Variants in CRAMP1 observed in about 807,000 individuals in gnomAD.
CRAMP1 encodes the protein cramped chromatin regulator 1, also known as protein cramped-like.
CRAMP1 carries 50 observed loss-of-function variants against 115.4 expected under a neutral mutation model. The ratio of observed to expected loss-of-function variants is 0.43; its 90% CI spans 0.35 to 0.55. The LOEUF is 0.55. CRAMP1 is among the 20% of genes least tolerant of loss of function. The probability of loss-of-function intolerance (pLI) is 0.01; values close to 1 mark genes in which losing one functional copy is unlikely to be tolerated. For synonymous variants in CRAMP1, 866 were observed against 745.4 expected, an observed-to-expected ratio of 1.16 and a Z score of -2.64; for missense variants, 1,679 against 1,721.7, an observed-to-expected ratio of 0.98 and a Z score of 0.44.
At chr16:1,646,887 C>T (rs2036679743) in intron 6 of CRAMP1, among the ~76,000 whole-genome samples, 1 of 152,228 alleles carries the variant, frequency 6.6e-6, no homozygotes, top group African/African-American at 2.4e-5. Context: ...TCAAGCTGTG[C>T]CATCTGAAAG....
intron 4 of CRAMP1, among the ~76,000 whole-genome samples, chr16:1,633,106 A>G (rs568643604): frequency 2.0e-5 from 3 of 152,290 alleles, no homozygotes; most frequent in African/African-American, 7.2e-5. Flanking sequence ...GATGTCTCAC[A>G]TTCTGACCCA....
intron 5 of CRAMP1, among the ~76,000 whole-genome samples, chr16:1,640,151 T>C (rs2036620414): frequency 6.6e-6 from 1 of 152,244 alleles, no homozygotes. Context: ...TTGTTTCCTT[T>C]CTTTCTGAAA....
Position 1,666,482 on chromosome 16 carries a change from T to C in CRAMP1, c.2918T>C (p.Leu973Ser). 1.2e-6 allele frequency: 2 copies of C among 1,613,920 alleles called. No homozygotes were observed. The highest frequency in any genetic ancestry group is 1.7e-6 in the Non-Finnish European group (2 of 1,179,854). ...CTTTCCGGGAACCCCCTCCCTGCCT[T>C]GGACACCGAGGGCTTGTCTGGCATC... ...GILSGNPLPA[L>S]DTEGLSGISP... Residue 973 changes from leucine to serine, a missense_variant, in exon 16 of 21, where the codon TTG becomes TCG. Coordinates refer to ENST00000397412, the MANE Select transcript of CRAMP1 (RefSeq NM_020825.4). This position sits in a 1 kb window ranked among gnomAD's most constrained non-coding sequence, Gnocchi z 5.0.
At position 1,672,692 on chromosome 16, in the gene CRAMP1, C is replaced by T. The variant is rs1353225321; in HGVS notation, c.3646-1189C>T. On this transcript the variant is annotated intron_variant, in intron 20 of 20. Coordinates refer to ENST00000397412, the MANE Select transcript of CRAMP1 (RefSeq NM_020825.4). The surrounding 1 kb of genome is among the most constrained non-coding windows in gnomAD (Gnocchi z 4.9). The stretch of plus-strand genomic sequence containing the variant: ...TGCAGTTCATTAAGGGATATTTCTG[C>T]AGGGTCTGCTGTGTGCAAACAATGG... Among the ~76,000 whole-genome samples, 1 of 152,212 alleles carries T rather than the reference C, an allele frequency of 6.6e-6. No homozygotes were observed. Among genetic ancestry groups the T allele is most frequent in the Non-Finnish European group, 1.5e-5 (1 of 68,034 alleles).
At chr16:1,664,748 T>C (rs9925164) in intron 13 of CRAMP1, among the ~76,000 whole-genome samples, 13,617 of 149,788 alleles carry the variant, frequency 0.091, 719 homozygotes, top group African/African-American at 0.14. Flanking sequence ...CACTGCACTC[T>C]AGCCTGGCTG....
intron 4 of CRAMP1, 77 bp downstream of exon 4, chr16:1,632,442 G>T (rs961860973): frequency 7.1e-6 from 10 of 1,416,068 alleles, no homozygotes; most frequent in Non-Finnish European, 9.5e-6. Flanking sequence ...CTTCCAGCAA[G>T]CCCGCCGGAC....
chr16:1,642,830 T>C (rs1329523342), intron 6 of CRAMP1, among the ~76,000 whole-genome samples: 1 of 152,250 alleles, frequency 6.6e-6, no homozygotes, highest in Non-Finnish European at 1.5e-5. Flanking sequence ...TTCCAGACTC[T>C]TTGCTGTATG....
chr16:1,627,897 G>A (rs370890509), intron 3 of CRAMP1, among the ~76,000 whole-genome samples: 1 of 152,134 alleles, frequency 6.6e-6, no homozygotes, highest in East Asian at 1.9e-4. Context: ...ATTTTTGCCT[G>A]AAACAATTAC....
Position 1,625,985 on chromosome 16 carries a change from G to T in CRAMP1, c.359G>T (p.Gly120Val), listed in dbSNP as rs150953427. The T allele has an allele frequency of 2.6e-3, 4,039 of 1,551,658 alleles. 33 individuals carry two copies. The highest frequency in any genetic ancestry group is 0.019 in the Middle Eastern group (116 of 5,990). The change falls in exon 3 of 21, where the codon GGT becomes GTT. Residue 120 changes from glycine to valine, a missense_variant. This residue lies in a region of CRAMP1 where 264 missense variants were observed against 229.7 expected (regional missense o/e 1.15). Transcript: ENST00000397412. ...CTTTCTCTCCAAGGAGCTGAAGGTGGTGGATCATCGTCTGGAAATGTGTCT... is the reference window on the plus strand; with the variant it reads ...CTTTCTCTCCAAGGAGCTGAAGGTGTTGGATCATCGTCTGGAAATGTGTCT... ...SGPRGKGAEG[G>V]GSSSGNVSGV... is the part of the protein sequence containing the mutation.
Position 1,626,137 on chromosome 16 carries a change from A to G in CRAMP1, c.511A>G (p.Lys171Glu), listed in dbSNP as rs1205257628. The G allele has an allele frequency of 6.5e-7, 1 of 1,536,992 alleles. No homozygotes were observed. The highest frequency in any genetic ancestry group is 2.0e-5 in the Admixed American group (1 of 49,812). Reference sequence around the variant, plus strand: ...GTGGGAGTCGTGGAGCACAGAGGACAAGAACACCTTCTTCGAGGGGCTGTA... The same window carrying G: ...GTGGGAGTCGTGGAGCACAGAGGACGAGAACACCTTCTTCGAGGGGCTGTA... ...RQWESWSTED[K>E]NTFFEGLYEH... is the part of the protein sequence containing the mutation. Residue 171 changes from lysine (K) to glutamate (E), a missense_variant, in exon 3 of 21, where the codon AAG (lysine) becomes GAG (glutamate). Lys to Glu is a moderately conservative substitution (Grantham distance 56, BLOSUM62 1). Coordinates refer to ENST00000397412, the MANE Select transcript of CRAMP1 (RefSeq NM_020825.4).
At position 1,676,043 on chromosome 16, in the gene CRAMP1, C is replaced by G. The variant is rs556805011; in HGVS notation, c.*1998C>G. The G allele has an allele frequency of 2.6e-5, 4 of 152,396 alleles. No homozygotes were observed. The East Asian group carries it at 7.7e-4, about 29-fold the overall frequency. The allele number at this position is 152,396 out of a possible 1,614,324, so 9.4% of individuals were successfully genotyped here. On this transcript the variant is annotated 3_prime_UTR_variant, in exon 21 of 21. Transcript: ENST00000397412. Reference sequence around the variant, plus strand: ...GGCCACTGCTAGCTTTCTCATACTCCCACAGGCTAGACCAGAGATGCCAAG... The same window carrying G: ...GGCCACTGCTAGCTTTCTCATACTCGCACAGGCTAGACCAGAGATGCCAAG...
intron 13 of CRAMP1, among the ~76,000 whole-genome samples, chr16:1,663,180 A>T (rs945521347): frequency 6.6e-6 from 1 of 152,232 alleles, no homozygotes; most frequent in African/African-American, 2.4e-5. Flanking sequence ...GGTCAGCCAG[A>T]GCCCAGGCCT....
At chr16:1,641,825 A>G (rs926406869) in intron 6 of CRAMP1, among the ~76,000 whole-genome samples, 1 of 150,704 alleles carries the variant, frequency 6.6e-6, no homozygotes, top group African/African-American at 2.4e-5. Context: ...TCCCCACGCC[A>G]CAGCCTGGGG....
At chr16:1,642,023 C>A (rs2036636766) in intron 6 of CRAMP1, among the ~76,000 whole-genome samples, 1 of 152,188 alleles carries the variant, frequency 6.6e-6, no homozygotes, top group East Asian at 1.9e-4. Context: ...TTACATCCAT[C>A]CCGCCCACTG....
intron 20 of CRAMP1, among the ~76,000 whole-genome samples, chr16:1,673,544 C>T (rs1343070179): frequency 2.0e-5 from 3 of 152,226 alleles, no homozygotes; most frequent in Non-Finnish European, 2.9e-5. Context: ...TCTGTTTCTG[C>T]AGGCTGCCCC....
intron 4 of CRAMP1, among the ~76,000 whole-genome samples, chr16:1,634,046 AAGTC>A (rs777190524): frequency 1.3e-5 from 2 of 151,954 alleles, no homozygotes; most frequent in Non-Finnish European, 2.9e-5. Context: ...AAAAGAAAGA[AAGTC>A]AGTCCATGAG....
chr16:1,655,998 G>A lies in CRAMP1; in HGVS notation c.1241G>A (p.Arg414His), dbSNP rs2036768928. The change falls in exon 10 of 21, where the codon CGC becomes CAC. Residue 414 changes from arginine (R) to histidine (H), a missense_variant. Physicochemically the swap from Arg to His is conservative, Grantham distance 29. This residue lies in a region of CRAMP1 where 191 missense variants were observed against 236.2 expected (regional missense o/e 0.81). Coordinates refer to ENST00000397412, the MANE Select transcript of CRAMP1 (RefSeq NM_020825.4). ...CTGACACCGCTGCCGGGCGTGGCTC[G>A]CGTGGTGCACTCCAAGGCCTTCTGC... Reference protein sequence around the residue: ...CTLTPLPGVARVVHSKAFCTV... With the variant: ...CTLTPLPGVAHVVHSKAFCTV... 1 of 1,612,668 alleles carries A rather than the reference G, an allele frequency of 6.2e-7. No homozygotes were observed. Among genetic ancestry groups the A allele is most frequent in the Non-Finnish European group, 8.5e-7 (1 of 1,179,822 alleles).
chr16:1,674,105 G>T lies in CRAMP1; in HGVS notation c.*60G>T. 6.5e-7 allele frequency: 1 copy of T among 1,530,090 alleles called. No individual in the cohort carries two copies. The highest frequency in any genetic ancestry group is 1.2e-5 in the South Asian group (1 of 84,842). 94.8% of individuals were successfully genotyped at this position (1,530,090 alleles called of 1,614,324 possible). On this transcript the variant is annotated 3_prime_UTR_variant, in exon 21 of 21. Coordinates refer to ENST00000397412, the MANE Select transcript of CRAMP1 (RefSeq NM_020825.4). ...AGCTAGAGAAAAATAGATAAGCCCA[G>T]CAGCCCCAGAAGATGGTCTGAACAG...
chr16:1,644,839 T>C (rs2036660237), intron 6 of CRAMP1, among the ~76,000 whole-genome samples: 1 of 152,026 alleles, frequency 6.6e-6, no homozygotes, highest in Admixed American at 6.6e-5. Flanking sequence ...TTGGAGGTGG[T>C]GTGGTGTGGT....
Sources: gnomAD v4.1 joint callset for allele counts (sites outside exome capture counted in the v4.1 genomes callset) on GRCh38, gnomAD v4.1.1 for gene constraint, gnomAD v4.1.1 regional missense constraint, Gnocchi (gnomAD v3.1) non-coding constraint, MANE v1.5 for transcripts, NCBI Gene and HGNC (gene_info 2026-07-23, HGNC 2026-07-21) for gene names.